CAPN14: variants seen among roughly 807,000 people sequenced by gnomAD.
The protein encoded by CAPN14 is calpain 14.
CAPN14 carries 94 observed loss-of-function variants against 101.3 expected under a neutral mutation model. The ratio of observed to expected loss-of-function variants is 0.93; its 90% CI spans 0.79 to 1.10. The LOEUF is 1.10. Among genes scored for constraint, CAPN14 ranks in the 50% least tolerant of loss-of-function variants. The pLI is 0.00. For synonymous variants in CAPN14, 338 were observed against 317.9 expected, an observed-to-expected ratio of 1.06 and a Z score of -0.67; for missense variants, 837 against 828.4, an observed-to-expected ratio of 1.01 and a Z score of -0.13.
intron 16 of CAPN14, among the ~76,000 whole-genome samples, chr2:31,181,484 TC>T (rs1319577355): frequency 7.3e-6 from 1 of 136,874 alleles, no homozygotes; most frequent in African/African-American, 2.8e-5. Context: ...TTTCTTTCTC[TC>T]TCTCTCTCTT....
Position 31,203,064 on chromosome 2 carries a change from A to C in CAPN14, c.295+6T>G. 1 of 1,551,288 alleles carries C rather than the reference A, an allele frequency of 6.4e-7. No individual in the cohort carries two copies. Among genetic ancestry groups the C allele is most frequent in the South Asian group, 1.2e-5 (1 of 84,038 alleles). The stretch of plus-strand genomic sequence containing the variant: ...GTGTCTGTCTCTCGGGGCTGTGCAA[A>C]CTTACCTACTATCCCCTGGCACAGA... On this transcript the variant is annotated splice_donor_region_variant and intron_variant, in intron 3 of 21. Coordinates refer to ENST00000403897, the MANE Select transcript of CAPN14 (RefSeq NM_001145122.2).
At chr2:31,207,161 A>G (rs1458487105) in intron 1 of CAPN14, among the ~76,000 whole-genome samples, 1 of 151,802 alleles carries the variant, frequency 6.6e-6, no homozygotes, top group Non-Finnish European at 1.5e-5. Context: ...ACTGAGTGTG[A>G]CTTCTCCCTC....
chr2:31,212,183 G>A (rs1033715649), intron 1 of CAPN14, among the ~76,000 whole-genome samples: 4 of 151,892 alleles, frequency 2.6e-5, no homozygotes, highest in East Asian at 1.9e-4. Context: ...TGTGGTGGGC[G>A]CCCGTAATCC....
rs1214528068 is a variant in CAPN14 at position 31,176,586 on chromosome 2, CCT to C, written c.2027_2028del (p.Glu676ValfsTer19). 15 of 1,551,508 alleles carry C rather than the reference CCT, an allele frequency of 9.7e-6. No individual in the cohort carries two copies. The East Asian group carries it at 3.7e-4, about 38-fold the overall frequency. On this transcript the variant is annotated frameshift_variant and splice_region_variant, in exon 21 of 22. Coordinates refer to ENST00000403897, the MANE Select transcript of CAPN14 (RefSeq NM_001145122.2). LOFTEE classifies it high-confidence loss of function. ...DGKGIYLQKP[E>X]WMMMALYS The stretch of plus-strand genomic sequence containing the variant: ...AGCCACCTCCTTGGGGCAAGTCTTA[CCT>C]CTGGCTTCTGGAGGTATATCCCTTT...
At chr2:31,206,403 C>G (rs1682097174) in intron 1 of CAPN14, among the ~76,000 whole-genome samples, 1 of 152,168 alleles carries the variant, frequency 6.6e-6, no homozygotes, top group Non-Finnish European at 1.5e-5. Flanking sequence ...CAGACGCCCG[C>G]CACCACACCC....
intron 17 of CAPN14, 98 bp from the exon 18 acceptor site, chr2:31,178,677 T>C: frequency 2.6e-6 from 2 of 774,706 alleles, no homozygotes; most frequent in Non-Finnish European, 4.0e-6. Context: ...AATTTGTGGA[T>C]GGCCTCATTC....
chr2:31,177,598 A>C lies in CAPN14; in HGVS notation c.1855+148T>G, dbSNP rs149502693. 1.8e-3 allele frequency: 1,123 copies of C among 631,532 alleles called. 19 individuals carry two copies. The African/African-American group carries it at 0.018, about 10-fold the overall frequency. 39.1% of individuals were successfully genotyped at this position (631,532 alleles called of 1,614,324 possible). A position where few individuals can be genotyped will look rare whatever the true frequency, so the allele number is the denominator to read the frequency against. ...TAGGATCACAGGGACAATCATAAAA[A>C]ATGTTGGAGTTGACTGCAGATCTAC... On this transcript the variant is annotated intron_variant, in intron 19 of 21. Coordinates refer to ENST00000403897, the MANE Select transcript of CAPN14 (RefSeq NM_001145122.2).
At chr2:31,176,507 T>C in intron 21 of CAPN14, 80 bp downstream of exon 21, 1 of 1,093,714 alleles carries the variant, frequency 9.1e-7, no homozygotes. Context: ...CCAGAGCCCT[T>C]CTCCTTCACA....
chr2:31,195,034 T>C (rs1025750933), intron 8 of CAPN14, among the ~76,000 whole-genome samples: 2 of 152,196 alleles, frequency 1.3e-5, no homozygotes, highest in East Asian at 1.9e-4. Context: ...GGTAATTTCC[T>C]GGCCAGCGCT....
chr2:31,193,003 G>C, intron 10 of CAPN14, 128 bp downstream of exon 10: 3 of 943,668 alleles, frequency 3.2e-6, no homozygotes, highest in Non-Finnish European at 4.7e-6. Context: ...CCAACACACA[G>C]TGAGGCAAGC....
At chr2:31,187,562 C>T (rs56373046) in intron 15 of CAPN14, among the ~76,000 whole-genome samples, 196 bp downstream of exon 15, 50,747 of 152,092 alleles carry the variant, frequency 0.33, 10,048 homozygotes, top group African/African-American at 0.55. Flanking sequence ...TTTACAGGAG[C>T]CTTCTAGACA....
intron 1 of CAPN14, among the ~76,000 whole-genome samples, chr2:31,212,330 A>C (rs191155175): frequency 1.3e-5 from 2 of 151,854 alleles, no homozygotes; most frequent in Non-Finnish European, 2.9e-5. Context: ...AAAAAAAACA[A>C]AAAAAACACA....
At chr2:31,184,987 C>G (rs1680834207) in intron 16 of CAPN14, among the ~76,000 whole-genome samples, 1 of 152,178 alleles carries the variant, frequency 6.6e-6, no homozygotes, top group African/African-American at 2.4e-5. Context: ...TTAAAATGGT[C>G]TATATCAAAA....
Position 31,177,776 on chromosome 2 carries a change from C to T in CAPN14, c.1825G>A (p.Glu609Lys). 6.4e-7 allele frequency: 1 copy of T among 1,552,004 alleles called. No homozygotes were observed. The highest frequency in any genetic ancestry group is 1.2e-5 in the South Asian group (1 of 84,056). The change falls in exon 19 of 22, where the codon GAG (glutamate) becomes AAG (lysine). Residue 609 changes from glutamate to lysine, a missense_variant. Glu to Lys is a moderately conservative substitution (Grantham distance 56). Transcript: ENST00000403897. ...TCCCTCATGGCAGCGTGCAGCTGCT[C>T]CCAGTTCAGGTATCCTGACCCACGG... ...QDRGSGYLNW[E>K]QLHAAMREAG...
chr2:31,216,866 C>T (rs1027538836), intron 1 of CAPN14, among the ~76,000 whole-genome samples: 4 of 152,190 alleles, frequency 2.6e-5, no homozygotes, highest in African/African-American at 9.6e-5. Flanking sequence ...ACCACACTGA[C>T]AGCTATCATT....
At chr2:31,193,790 T>C (rs984284325) in intron 9 of CAPN14, among the ~76,000 whole-genome samples, 1 of 152,192 alleles carries the variant, frequency 6.6e-6, no homozygotes, top group African/African-American at 2.4e-5. Flanking sequence ...TTGCAGAGCT[T>C]GAGTTCAGTG....
intron 10 of CAPN14, 41 bp from the exon 11 acceptor site, chr2:31,192,139 C>G: frequency 1.3e-6 from 2 of 1,497,472 alleles, no homozygotes; most frequent in Non-Finnish European, 1.8e-6. Context: ...GCCCCGGATC[C>G]CCATGCATCC....
At chr2:31,232,477 TG>T (rs1367546822) in intron 1 of CAPN14, among the ~76,000 whole-genome samples, 3 of 152,204 alleles carry the variant, frequency 2.0e-5, no homozygotes, top group Non-Finnish European at 2.9e-5. Context: ...TACCTAAGAC[TG>T]GGTAATTTAT....
At chr2:31,202,925 A>G in intron 3 of CAPN14, 145 bp downstream of exon 3, 1 of 638,192 alleles carries the variant, frequency 1.6e-6, no homozygotes. Context: ...GAACATGTCC[A>G]GGTAGCGTTT....
Sources: gnomAD v4.1 joint callset for allele counts (sites outside exome capture counted in the v4.1 genomes callset) on GRCh38, gnomAD v4.1.1 for gene constraint, MANE v1.5 for transcripts, NCBI Gene and HGNC (gene_info 2026-07-23, HGNC 2026-07-21) for gene names.